BCL2: variants seen among roughly 807,000 people sequenced by gnomAD.
BCL2 encodes the protein BCL2 apoptosis regulator.
Under a neutral mutation model 14.2 loss-of-function variants are expected in BCL2, and 1 was observed. The ratio of observed to expected loss-of-function variants is 0.07; its 90% CI spans 0.02 to 0.33. BCL2 has a LOEUF of 0.33. Ranked by LOEUF, BCL2 falls within the 10% of genes least tolerant of loss-of-function variation. The probability of loss-of-function intolerance (pLI) is 0.99; values close to 1 mark genes in which losing one functional copy is unlikely to be tolerated. For missense variants in BCL2, 247 were observed against 305.9 expected, an observed-to-expected ratio of 0.81 and a Z score of 1.44; for synonymous variants, 151 against 137.2, an observed-to-expected ratio of 1.10 and a Z score of -0.70.
chr18:63,254,470 C>T (rs1911411914), intron 2 of BCL2, among the ~76,000 whole-genome samples: 2 of 139,394 alleles, frequency 1.4e-5, no homozygotes, highest in South Asian at 2.4e-4. Context: ...GTGGGAGGAT[C>T]GCTTGAACCA....
chr18:63,245,899 A>G (rs1230333256), intron 2 of BCL2, among the ~76,000 whole-genome samples: 1 of 152,204 alleles, frequency 6.6e-6, no homozygotes, highest in East Asian at 1.9e-4. Context: ...ATTGAATTTG[A>G]AGCTCTAAAC....
chr18:63,196,318 C>T (rs1468098567), intron 2 of BCL2, among the ~76,000 whole-genome samples: 7 of 152,166 alleles, frequency 4.6e-5, no homozygotes, highest in Admixed American at 3.3e-4. Flanking sequence ...TTCAAATACA[C>T]ATTTTAAAAG....
At chr18:63,211,291 C>A (rs1909996151) in intron 2 of BCL2, among the ~76,000 whole-genome samples, 1 of 152,050 alleles carries the variant, frequency 6.6e-6, no homozygotes. Flanking sequence ...CTCCTGACCT[C>A]AAGTGACCTG....
intron 2 of BCL2, among the ~76,000 whole-genome samples, chr18:63,198,555 GAC>G (rs1266850452): frequency 4.7e-5 from 5 of 106,514 alleles, no homozygotes; most frequent in Non-Finnish European, 7.7e-5. Context: ...GACACACATA[GAC>G]ACAGACACAC....
At chr18:63,142,436 G>A (rs575251399) in intron 2 of BCL2, among the ~76,000 whole-genome samples, 8 of 152,344 alleles carry the variant, frequency 5.3e-5, no homozygotes, top group East Asian at 3.9e-4. Context: ...GACATCTGTC[G>A]AGGACCAGAT....
chr18:63,174,536 G>A (rs1313575072), intron 2 of BCL2, among the ~76,000 whole-genome samples: 2 of 152,088 alleles, frequency 1.3e-5, no homozygotes, highest in Admixed American at 6.5e-5. Context: ...AGAGCATAAA[G>A]AGGCTGGGCA....
chr18:63,280,519 A>T (rs1912280303), intron 2 of BCL2, among the ~76,000 whole-genome samples: 1 of 152,200 alleles, frequency 6.6e-6, no homozygotes, highest in South Asian at 2.1e-4. Context: ...ATCAACAAAG[A>T]ACTTGAACAG....
intron 2 of BCL2, among the ~76,000 whole-genome samples, chr18:63,160,457 T>TA (rs1914892958): frequency 1.3e-5 from 2 of 152,190 alleles, no homozygotes; most frequent in South Asian, 4.1e-4. Context: ...TGAGGCTGAA[T>TA]AGTCACATCC....
At chr18:63,279,786 A>G (rs1912257942) in intron 2 of BCL2, among the ~76,000 whole-genome samples, 1 of 152,266 alleles carries the variant, frequency 6.6e-6, no homozygotes, top group African/African-American at 2.4e-5. Context: ...CTATGAGCAA[A>G]TGAAGCCCAA....
intron 2 of BCL2, among the ~76,000 whole-genome samples, chr18:63,129,852 G>A (rs1914019989): frequency 6.6e-6 from 1 of 152,162 alleles, no homozygotes; most frequent in Admixed American, 6.5e-5. Context: ...GGTTCTCCTG[G>A]GGAAAGGGAG....
At chr18:63,142,629 C>T (rs1396552866) in intron 2 of BCL2, among the ~76,000 whole-genome samples, 3 of 152,156 alleles carry the variant, frequency 2.0e-5, no homozygotes, top group African/African-American at 4.8e-5. Context: ...AAAGTGACTG[C>T]GATGATCCTC....
chr18:63,165,292 G>T (rs534079030), intron 2 of BCL2, among the ~76,000 whole-genome samples: 1 of 152,112 alleles, frequency 6.6e-6, no homozygotes, highest in Non-Finnish European at 1.5e-5. Flanking sequence ...GAAGTGTCTT[G>T]GTTTGGATGA....
chr18:63,317,795 G>A (rs1913542374), intron 2 of BCL2: 1 of 1,301,454 alleles, frequency 7.7e-7, no homozygotes, highest in African/African-American at 1.5e-5. Context: ...GAGAAACACT[G>A]AAGGGGTACC....
chr18:63,143,660 G>A (rs1914428977), intron 2 of BCL2, among the ~76,000 whole-genome samples: 1 of 152,240 alleles, frequency 6.6e-6, no homozygotes, highest in African/African-American at 2.4e-5. Context: ...ACTGTGCTAC[G>A]GGGCCTTTAT....
At chr18:63,179,582 C>T (rs1003676009) in intron 2 of BCL2, among the ~76,000 whole-genome samples, 3 of 152,156 alleles carry the variant, frequency 2.0e-5, no homozygotes, top group African/African-American at 7.2e-5. Context: ...CCAGAAAGCC[C>T]TATGTTGCGG....
chr18:63,140,374 C>T (rs892133200), intron 2 of BCL2, among the ~76,000 whole-genome samples: 1 of 152,172 alleles, frequency 6.6e-6, no homozygotes, highest in Admixed American at 6.5e-5. Flanking sequence ...TTCATAATAG[C>T]CAAAAGTGGA....
At chr18:63,315,530 C>T (rs766508839) in intron 2 of BCL2, 6 of 152,202 alleles carry the variant, frequency 3.9e-5, no homozygotes, top group Non-Finnish European at 7.3e-5. Flanking sequence ...GACTTGCAGT[C>T]TAAAGCCTGG....
At chr18:63,245,099 T>C (rs1276580130) in intron 2 of BCL2, among the ~76,000 whole-genome samples, 1 of 152,244 alleles carries the variant, frequency 6.6e-6, no homozygotes, top group Non-Finnish European at 1.5e-5. Context: ...CTGGTGTGTC[T>C]GCTTCCTGGG....
intron 2 of BCL2, among the ~76,000 whole-genome samples, chr18:63,175,748 A>G (rs1915336080): frequency 6.6e-6 from 1 of 152,214 alleles, no homozygotes; most frequent in Admixed American, 6.5e-5. Flanking sequence ...CTGGAGCTCC[A>G]CGCCACATCA....
Sources: gnomAD v4.1 joint callset for allele counts (sites outside exome capture counted in the v4.1 genomes callset) on GRCh38, gnomAD v4.1.1 for gene constraint, MANE v1.5 for transcripts, NCBI Gene and HGNC (gene_info 2026-07-23, HGNC 2026-07-21) for gene names.